The following FAM91A1 variants were observed in gnomAD, a reference collection of about 807,000 sequenced individuals.
The protein encoded by FAM91A1 is protein FAM91A1.
In FAM91A1, 41 loss-of-function variants were observed where a neutral mutation model predicts 113.5. The ratio of observed to expected loss-of-function variants is 0.36; its 90% CI spans 0.28 to 0.47. FAM91A1 has a LOEUF of 0.47. FAM91A1 is among the 20% of genes least tolerant of loss of function. The pLI is 1.00. For missense variants in FAM91A1, 696 were observed against 1,001.2 expected (o/e 0.70, Z 4.11); for synonymous variants, 307 against 347.9 (o/e 0.88, Z 1.31).
chr8:123,790,098 GAA>G (rs1815348017), intron 15 of FAM91A1, among the ~76,000 whole-genome samples: 1 of 152,148 alleles, frequency 6.6e-6, no homozygotes, highest in South Asian at 2.1e-4. Flanking sequence ...AAAATTTCAA[GAA>G]TGAAAGATTC....
At chr8:123,787,607 T>C in intron 13 of FAM91A1, 57 bp from the exon 14 acceptor site, 1 of 1,352,250 alleles carries the variant, frequency 7.4e-7, no homozygotes, top group South Asian at 1.3e-5. Context: ...TATTTGATAG[T>C]ATGCTTAGCA....
chr8:123,769,071 G>C (rs910904916), intron 1 of FAM91A1, among the ~76,000 whole-genome samples: 1 of 152,200 alleles, frequency 6.6e-6, no homozygotes, highest in Non-Finnish European at 1.5e-5. Context: ...TTTAAACACG[G>C]TCCTTGACCT....
Position 123,808,306 on chromosome 8 carries a change from T to A in FAM91A1, c.2067T>A (p.Asn689Lys), listed in dbSNP as rs199734667. ...EPDLASGSDV[N>K]GSTESFEMVI... ...ATTTGGCTTCTGGCTCAGATGTAAA[T>A]GGGAGTACAGAGTCATTTGAAATGG... The change falls in exon 21 of 24, where the codon AAT becomes AAA. Residue 689 changes from asparagine to lysine, a missense_variant. Coordinates refer to ENST00000334705, the MANE Select transcript of FAM91A1 (RefSeq NM_144963.4). 1.0e-4 allele frequency: 161 copies of A among 1,613,142 alleles called. No individual in the cohort carries two copies. Among genetic ancestry groups the A allele is most frequent in the Non-Finnish European group, 1.2e-4 (141 of 1,179,626 alleles).
chr8:123,786,441 A>G (rs1815259774), intron 11 of FAM91A1, 54 bp from the exon 12 acceptor site: 9 of 1,234,174 alleles, frequency 7.3e-6, no homozygotes, highest in Admixed American at 1.7e-5. Flanking sequence ...TAGATATTTT[A>G]ATGTAAGGTC....
chr8:123,812,755 C>T lies in FAM91A1; in HGVS notation c.*51C>T, dbSNP rs374257877. On this transcript the variant is annotated 3_prime_UTR_variant, in exon 24 of 24. Transcript: ENST00000334705. ...ACTTTCTGCCTTTTTTCTTTCTTAA[C>T]GTTAGCTTTATAGTGTCAGCCACTA... is the stretch of plus-strand genomic sequence containing the variant. 114 of 1,431,448 alleles carry T rather than the reference C, an allele frequency of 8.0e-5. No individual in the cohort carries two copies. Among genetic ancestry groups the T allele is most frequent in the Non-Finnish European group, 1.0e-4 (111 of 1,080,058 alleles). The allele number at this position is 1,431,448 out of a possible 1,614,324, so 88.7% of individuals were successfully genotyped here.
intron 15 of FAM91A1, among the ~76,000 whole-genome samples, chr8:123,792,510 G>A (rs569294233): frequency 9.2e-5 from 14 of 152,142 alleles, no homozygotes; most frequent in Admixed American, 9.2e-4. Flanking sequence ...TTGTTTAACT[G>A]TGATTAGTAT....
intron 14 of FAM91A1, chr8:123,788,255 C>T (rs1363814537): frequency 1.0e-6 from 1 of 984,400 alleles, no homozygotes; most frequent in Non-Finnish European, 1.2e-6. Context: ...CCCGTGAGTA[C>T]AGCCCTAGTT....
At position 123,769,853 on chromosome 8, in the gene FAM91A1, C is replaced by T. The variant is rs115319626; in HGVS notation, c.72+1079C>T. Among the ~76,000 whole-genome samples, 722 of 152,260 alleles carry T rather than the reference C, an allele frequency of 4.7e-3. 6 individuals carry two copies. The highest frequency in any genetic ancestry group is 0.016 in the African/African-American group (683 of 41,526). On this transcript the variant is annotated intron_variant, in intron 1 of 23. Coordinates refer to ENST00000334705, the MANE Select transcript of FAM91A1 (RefSeq NM_144963.4). Reference sequence around the variant, plus strand: ...TTCGCTTCCTCCCATTATACTTGGTCGAGAGTGAAATTCAGTTTTCTGTTG... The same window carrying T: ...TTCGCTTCCTCCCATTATACTTGGTTGAGAGTGAAATTCAGTTTTCTGTTG...
rs1017861900 is a variant in FAM91A1, at chr8:123,780,597, C to A, written c.703+55C>A. On this transcript the variant is annotated intron_variant, in intron 8 of 23. Transcript: ENST00000334705. ...TTTTGAATGGATATCAGGTGCTAAG[C>A]ATTGCATATCATCCGTTCTAGGATC... 22 of 1,349,332 alleles carry A rather than the reference C, an allele frequency of 1.6e-5. 2 individuals are homozygous for A. In the Admixed American group the frequency reaches 1.7e-4, roughly 11 times the overall value. The allele number at this position is 1,349,332 out of a possible 1,614,324, so 83.6% of individuals were successfully genotyped here. A position where few individuals can be genotyped will look rare whatever the true frequency, so the allele number is the denominator to read the frequency against.
intron 6 of FAM91A1, among the ~76,000 whole-genome samples, chr8:123,779,444 A>G (rs1815066061): frequency 6.6e-6 from 1 of 152,232 alleles, no homozygotes; most frequent in South Asian, 2.1e-4. Flanking sequence ...GAGGGCACCT[A>G]GAGACCAGGT....
In FAM91A1 at chr8:123,812,515, T is replaced by C; in HGVS notation, c.2332-4T>C. 2 of 1,575,680 alleles carry C rather than the reference T, an allele frequency of 1.3e-6. No individual in the cohort carries two copies. The highest frequency in any genetic ancestry group is 2.7e-5 in the African/African-American group (2 of 72,802). On this transcript the variant is annotated splice_region_variant and splice_polypyrimidine_tract_variant and intron_variant, in intron 23 of 23. Coordinates refer to ENST00000334705, the MANE Select transcript of FAM91A1 (RefSeq NM_144963.4). ...ATCATTTCTCTTGTTTCTTGATCTT[T>C]TAGGAAGGTGCTTCAATATTGGATA...
At chr8:123,808,423 G>T in intron 21 of FAM91A1, 47 bp downstream of exon 21, 3 of 1,512,580 alleles carry the variant, frequency 2.0e-6, no homozygotes, top group Non-Finnish European at 2.7e-6. Flanking sequence ...AATTTCTGAG[G>T]TTTAACTTTT....
intron 14 of FAM91A1, among the ~76,000 whole-genome samples, chr8:123,789,251 T>A (rs1407578469): frequency 6.6e-6 from 1 of 152,198 alleles, no homozygotes; most frequent in African/African-American, 2.4e-5. Context: ...AACAAAGTTA[T>A]GAGAATTATA....
intron 14 of FAM91A1, chr8:123,788,211 A>T: frequency 1.0e-6 from 1 of 985,290 alleles, no homozygotes; most frequent in Non-Finnish European, 1.2e-6. Context: ...CATCTTGAAG[A>T]CTTCAGCCAT....
Position 123,812,738 on chromosome 8 carries a change from C to G in FAM91A1, c.*34C>G, listed in dbSNP as rs1815989034. The stretch of plus-strand genomic sequence containing the variant: ...CACCATTTGTTGCTCACACTTTCTG[C>G]CTTTTTTCTTTCTTAACGTTAGCTT... On this transcript the variant is annotated 3_prime_UTR_variant, in exon 24 of 24. Coordinates refer to ENST00000334705, the MANE Select transcript of FAM91A1 (RefSeq NM_144963.4). 6.7e-7 allele frequency: 1 copy of G among 1,483,306 alleles called. No homozygotes were observed. Among genetic ancestry groups the G allele is most frequent in the Non-Finnish European group, 8.9e-7 (1 of 1,117,456 alleles). 91.9% of individuals were successfully genotyped at this position (1,483,306 alleles called of 1,614,324 possible). A position where few individuals can be genotyped will look rare whatever the true frequency, so the allele number is the denominator to read the frequency against.
At chr8:123,784,134 GAAAC>G (rs1340162444) in intron 8 of FAM91A1, among the ~76,000 whole-genome samples, 1 of 152,172 alleles carries the variant, frequency 6.6e-6, no homozygotes, top group African/African-American at 2.4e-5. Flanking sequence ...ACATGTATCA[GAAAC>G]CCTTTGCAGG....
At chr8:123,785,175 A>G in intron 10 of FAM91A1, 56 bp downstream of exon 10, 2 of 1,365,824 alleles carry the variant, frequency 1.5e-6, no homozygotes, top group African/African-American at 1.5e-5. Context: ...GGATTTTACT[A>G]GTAGATTTTT....
At chr8:123,781,186 A>C (rs1039557683) in intron 8 of FAM91A1, among the ~76,000 whole-genome samples, 1 of 152,110 alleles carries the variant, frequency 6.6e-6, no homozygotes, top group Non-Finnish European at 1.5e-5. Context: ...TACTATGTTC[A>C]GGTTATATGT....
At chr8:123,804,660 T>C (rs554788552) in intron 18 of FAM91A1, among the ~76,000 whole-genome samples, 1 of 152,292 alleles carries the variant, frequency 6.6e-6, no homozygotes, top group East Asian at 1.9e-4. Context: ...TGCAAGTACC[T>C]GCACACAGAT....
Sources: gnomAD v4.1 joint callset for allele counts (sites outside exome capture counted in the v4.1 genomes callset) on GRCh38, gnomAD v4.1.1 for gene constraint, MANE v1.5 for transcripts, NCBI Gene and HGNC (gene_info 2026-07-23, HGNC 2026-07-21) for gene names.